DZIP1L: variants seen among roughly 807,000 people sequenced by gnomAD.
The protein encoded by DZIP1L is cilium assembly protein DZIP1L.
A neutral mutation model predicts 88.7 loss-of-function variants in DZIP1L; 90 were observed. The observed-to-expected ratio is 1.02, with a 90% CI of 0.86 to 1.21. The LOEUF (loss-of-function observed/expected upper bound fraction) is 1.21. Ranked by LOEUF, DZIP1L falls within the 50% of genes most tolerant of loss-of-function variation. DZIP1L has a pLI of 0.00. For missense variants in DZIP1L, 932 were observed against 955.8 expected, an observed-to-expected ratio of 0.98 and a Z score of 0.33; for synonymous variants, 363 against 372.1, an observed-to-expected ratio of 0.98 and a Z score of 0.28.
intron 7 of DZIP1L, among the ~76,000 whole-genome samples, chr3:138,086,359 T>C (rs538805365): frequency 7.9e-5 from 12 of 152,200 alleles, no homozygotes; most frequent in Admixed American, 7.2e-4. Context: ...AGCTCTACCA[T>C]GGACCAGACT....
chr3:138,083,481 TG>T (rs1559839231), intron 8 of DZIP1L, among the ~76,000 whole-genome samples: 1 of 152,194 alleles, frequency 6.6e-6, no homozygotes, highest in Non-Finnish European at 1.5e-5. Context: ...CAGCCTCGAC[TG>T]GGCAGAGAAT....
intron 12 of DZIP1L, chr3:138,068,904 A>G (rs993230419): frequency 8.0e-7 from 1 of 1,254,036 alleles, no homozygotes; most frequent in Non-Finnish European, 1.0e-6. Context: ...TATAGCCACA[A>G]GAGCGGTCCC....
intron 10 of DZIP1L, chr3:138,080,346 C>T (rs1042319361): frequency 2.1e-6 from 1 of 466,090 alleles, no homozygotes; most frequent in Non-Finnish European, 3.9e-6. Flanking sequence ...CCTCTCTAGG[C>T]CTGGGCTTCC....
chr3:138,092,272 A>G (rs781764351), intron 5 of DZIP1L, 111 bp downstream of exon 5: 128 of 1,215,302 alleles, frequency 1.1e-4, no homozygotes, highest in Admixed American at 1.7e-4. Context: ...CTGGCCTCAC[A>G]GTGTTTTAGC....
intron 1 of DZIP1L, among the ~76,000 whole-genome samples, chr3:138,104,998 A>G (rs956629834): frequency 1.2e-4 from 18 of 152,360 alleles, no homozygotes; most frequent in Middle Eastern, 3.4e-3. Context: ...AAGTAAAAGA[A>G]AAAGTAGAAG....
At chr3:138,080,111 G>A (rs183145974) in intron 10 of DZIP1L, among the ~76,000 whole-genome samples, 8 of 152,284 alleles carry the variant, frequency 5.3e-5, no homozygotes, top group South Asian at 2.1e-4. Flanking sequence ...CAAGGGAGCC[G>A]AGGTGGATTC....
intron 11 of DZIP1L, 102 bp downstream of exon 11, chr3:138,077,397 T>C (rs1278459405): frequency 2.6e-6 from 4 of 1,537,712 alleles, no homozygotes; most frequent in East Asian, 2.3e-5. Context: ...GTGAGATGAA[T>C]GAGCTCACAA....
At chr3:138,082,332 C>A (rs1559838100) in intron 8 of DZIP1L, among the ~76,000 whole-genome samples, 1 of 152,198 alleles carries the variant, frequency 6.6e-6, no homozygotes, top group South Asian at 2.1e-4. Context: ...GACCCAACAC[C>A]CAAGTTAAGG....
intron 1 of DZIP1L, among the ~76,000 whole-genome samples, chr3:138,110,441 T>TA (rs1414995509): frequency 6.6e-6 from 1 of 152,042 alleles, no homozygotes; most frequent in Non-Finnish European, 1.5e-5. Flanking sequence ...CCCTAGAACT[T>TA]AAAGTATAAT....
intron 14 of DZIP1L, among the ~76,000 whole-genome samples, chr3:138,065,042 G>A (rs182871016): frequency 1.2e-4 from 18 of 152,242 alleles, no homozygotes; most frequent in African/African-American, 3.4e-4. Flanking sequence ...CCTCTAATGA[G>A]AGGCTGAGGC....
intron 12 of DZIP1L, among the ~76,000 whole-genome samples, chr3:138,069,648 C>T (rs1031429467): frequency 6.6e-6 from 1 of 152,168 alleles, no homozygotes; most frequent in Admixed American, 6.5e-5. Context: ...AACCACTTGG[C>T]CCCCGAGCAT....
chr3:138,103,091 A>C (rs2042370853), intron 2 of DZIP1L, among the ~76,000 whole-genome samples: 1 of 151,910 alleles, frequency 6.6e-6, no homozygotes, highest in Non-Finnish European at 1.5e-5. Context: ...CCCTACATAC[A>C]CACAGAGGTA....
intron 12 of DZIP1L, chr3:138,069,184 C>G: frequency 4.4e-6 from 3 of 679,614 alleles, no homozygotes; most frequent in Non-Finnish European, 8.0e-6. Flanking sequence ...ACAAAGATAA[C>G]AAGGATGAAG....
At position 138,067,534 on chromosome 3, in the gene DZIP1L, A is replaced by G; in HGVS notation, c.1999T>C (p.Ser667Pro). 6.3e-7 allele frequency: 1 copy of G among 1,598,826 alleles called. No homozygotes were observed. Among genetic ancestry groups the G allele is most frequent in the Non-Finnish European group, 8.5e-7 (1 of 1,173,812 alleles). The stretch of plus-strand genomic sequence containing the variant: ...TCACCCAAAGGTGCCAGCTCACCTG[A>G]GCCCTGGCCAGGGGGCTGGGCATTC... ...EENAQPPGQG[S>P]GTLVQSMVKN... The change falls in exon 14 of 16, where the codon TCA (serine) becomes CCA (proline). Residue 667 changes from serine to proline, a missense_variant. Ser to Pro is a moderately conservative substitution (Grantham distance 74, BLOSUM62 -1). Coordinates refer to ENST00000327532, the MANE Select transcript of DZIP1L (RefSeq NM_173543.3).
chr3:138,072,109 G>C (rs983290681), intron 11 of DZIP1L, among the ~76,000 whole-genome samples: 3 of 152,200 alleles, frequency 2.0e-5, no homozygotes, highest in African/African-American at 4.8e-5. Context: ...CCACATCATA[G>C]CATAAGGGAC....
In DZIP1L at chr3:138,062,694, T is replaced by C; in HGVS notation, c.*122A>G. ...ATATCCATTCCCTGCACTGCTTCTC[T>C]CCAAGAGGATGATCTCTTGGTTGTT... On this transcript the variant is annotated 3_prime_UTR_variant, in exon 16 of 16. Transcript: ENST00000327532. The C allele has an allele frequency of 8.5e-7, 1 of 1,175,928 alleles. No homozygotes were observed. Among genetic ancestry groups the C allele is most frequent in the East Asian group, 2.3e-5 (1 of 42,572 alleles). 72.8% of individuals were successfully genotyped at this position (1,175,928 alleles called of 1,614,324 possible).
In DZIP1L at chr3:138,068,854, T is replaced by C. The variant is rs1022192422; in HGVS notation, c.1616-487A>G. On this transcript the variant is annotated intron_variant, in intron 12 of 15. Transcript: ENST00000327532. ...GGCAAGGCAGTACCAAGGCAGGCAA[T>C]TGGACACAGCCCCTCTGTTTTCCAA... 37 of 1,177,120 alleles carry C rather than the reference T, an allele frequency of 3.1e-5. No homozygotes were observed. The Admixed American group carries it at 3.6e-4, about 11-fold the overall frequency. 72.9% of individuals were successfully genotyped at this position (1,177,120 alleles called of 1,614,324 possible).
At chr3:138,064,519 A>ATTTGCTGGGC in intron 15 of DZIP1L, 109 bp downstream of exon 15, 1 of 1,612,848 alleles carries the variant, frequency 6.2e-7, no homozygotes, top group Non-Finnish European at 8.5e-7. Flanking sequence ...CCACTAGGGC[A>ATTTGCTGGGC]AAGGATGACA....
chr3:138,085,442 C>T (rs553943349), intron 7 of DZIP1L, among the ~76,000 whole-genome samples: 2 of 152,156 alleles, frequency 1.3e-5, no homozygotes, highest in African/African-American at 2.4e-5. Context: ...AAAAAGTGGG[C>T]AAAGGATATG....
Sources: allele counts gnomAD v4.1 joint callset (sites outside exome capture counted in the v4.1 genomes callset), GRCh38; gene constraint gnomAD v4.1.1; transcripts MANE v1.5; gene names NCBI Gene and HGNC (gene_info 2026-07-23, HGNC 2026-07-21).